The following ZNF541 variants were observed in gnomAD, a reference collection of about 807,000 sequenced individuals.
ZNF541 encodes the protein zinc finger protein 541.
In ZNF541, 23 loss-of-function variants were observed where a neutral mutation model predicts 123.5. The ratio of observed to expected loss-of-function variants is 0.19; its 90% CI spans 0.13 to 0.26. The LOEUF (loss-of-function observed/expected upper bound fraction) is 0.26. Ranked by LOEUF, ZNF541 falls within the 10% of genes least tolerant of loss-of-function variation. The pLI, the probability that ZNF541 is intolerant of heterozygous loss-of-function variation, is 1.00. For missense variants in ZNF541, 1,612 were observed against 1,789.9 expected (o/e 0.90, Z 1.79); for synonymous variants, 751 against 754.5 (o/e 1.00, Z 0.08).
chr19:47,535,869 C>A (rs542713057), intron 9 of ZNF541, among the ~76,000 whole-genome samples: 1 of 152,230 alleles, frequency 6.6e-6, no homozygotes, highest in South Asian at 2.1e-4. Context: ...GAATTAAAGA[C>A]ACACACAGAA....
At chr19:47,568,800 T>C (rs1465974575) in intron 2 of ZNF541, among the ~76,000 whole-genome samples, 2 of 152,044 alleles carry the variant, frequency 1.3e-5, no homozygotes, top group African/African-American at 4.8e-5. Context: ...ACCTTCCGAG[T>C]AGCTGGGACT....
chr19:47,522,710 C>T (rs190854151), intron 14 of ZNF541, among the ~76,000 whole-genome samples: 77 of 149,608 alleles, frequency 5.1e-4, no homozygotes, highest in Middle Eastern at 3.6e-3. Context: ...GCGAGATGAT[C>T]GCTTGAGCCC....
chr19:47,547,476 G>A (rs898819809), intron 4 of ZNF541, among the ~76,000 whole-genome samples: 2 of 152,168 alleles, frequency 1.3e-5, no homozygotes, highest in Non-Finnish European at 2.9e-5. Context: ...CCTAGTCGAT[G>A]TGGACTAAAT....
At chr19:47,569,699 C>T (rs1971404982) in intron 2 of ZNF541, among the ~76,000 whole-genome samples, 1 of 151,744 alleles carries the variant, frequency 6.6e-6, no homozygotes, top group Non-Finnish European at 1.5e-5. Context: ...CCCCGCCGCC[C>T]CCCACCCATC....
At chr19:47,532,384 C>G (rs1969615033) in intron 10 of ZNF541, 114 bp from the exon 11 acceptor site, 1 of 1,240,798 alleles carries the variant, frequency 8.1e-7, no homozygotes, top group African/African-American at 1.5e-5. Flanking sequence ...TCCATGGAAA[C>G]CCTCTGCTGT....
chr19:47,572,893 C>A (rs1274938677), intron 1 of ZNF541, among the ~76,000 whole-genome samples, 190 bp downstream of exon 1: 2 of 151,928 alleles, frequency 1.3e-5, no homozygotes, highest in Non-Finnish European at 2.9e-5. Flanking sequence ...AAGATGCGTG[C>A]GTGACGCAGG....
At chr19:47,524,639 T>C (rs569919304) in intron 14 of ZNF541, among the ~76,000 whole-genome samples, 2 of 142,088 alleles carry the variant, frequency 1.4e-5, no homozygotes, top group East Asian at 4.2e-4. Flanking sequence ...ACCCAGGAGG[T>C]GGAGGTTACA....
rs3826836 is a variant in ZNF541 at position 47,544,564 on chromosome 19, C to T, written c.1965G>A (p.Ala655=). ...RDAKGGLKVA[A]VPTPLAAPSL... ...ACGGTGCTGCAAGGGGCGTTGGAAC[C>T]GCGGCCACTTTCAGTCCCCCCTTTG... The change falls in exon 5 of 17, where the codon GCG becomes GCA. Residue 655 remains alanine (A), a synonymous_variant. Transcript: ENST00000391901. 0.12 allele frequency: 186,341 copies of T among 1,551,384 alleles called. 12,457 individuals are homozygous for T. Among genetic ancestry groups the T allele is most frequent in the East Asian group, 0.24 (9,882 of 40,856 alleles).
At chr19:47,567,754 C>T (rs1971324244) in intron 2 of ZNF541, among the ~76,000 whole-genome samples, 1 of 152,228 alleles carries the variant, frequency 6.6e-6, no homozygotes, top group Admixed American at 6.5e-5. Context: ...CCACCACTCC[C>T]TATTCTCTCA....
chr19:47,565,845 T>G (rs1193928336), intron 2 of ZNF541, among the ~76,000 whole-genome samples: 1 of 152,114 alleles, frequency 6.6e-6, no homozygotes, highest in African/African-American at 2.4e-5. Context: ...TAAGTCAACA[T>G]TGGGGATCCG....
In ZNF541 at chr19:47,544,915, G is replaced by C; in HGVS notation, c.1614C>G (p.Phe538Leu). 1.3e-6 allele frequency: 2 copies of C among 1,535,972 alleles called. No individual in the cohort carries two copies. The highest frequency in any genetic ancestry group is 8.7e-7 in the Non-Finnish European group (1 of 1,146,796). ...GGLPADASPLFRQLFLKSQEP... is the reference protein window; with the variant it reads ...GGLPADASPLLRQLFLKSQEP... ...CCTGCGACTTGAGGAAGAGCTGGCG[G>C]AAGAGCGGCGAGGCATCCGCAGGGA... The change falls in exon 5 of 17, where the codon TTC becomes TTG. Residue 538 changes from phenylalanine to leucine, a missense_variant. Phe to Leu is a conservative substitution (Grantham distance 22). This residue lies in a region of ZNF541 where 1,080 missense variants were observed against 1,013.8 expected (regional missense o/e 1.07). Coordinates refer to ENST00000391901, the MANE Select transcript of ZNF541 (RefSeq NM_001277075.3).
At chr19:47,569,885 G>GA (rs1599750836) in intron 2 of ZNF541, among the ~76,000 whole-genome samples, 1 of 150,562 alleles carries the variant, frequency 6.6e-6, no homozygotes, top group East Asian at 2.0e-4. Flanking sequence ...CTCAAGAAAA[G>GA]AAAGGAGAAA....
chr19:47,554,808 T>C (rs975562874), intron 3 of ZNF541, among the ~76,000 whole-genome samples: 10 of 152,092 alleles, frequency 6.6e-5, no homozygotes, highest in Admixed American at 3.9e-4. Context: ...TACTAAGAAT[T>C]GGGGGCCGAG....
At chr19:47,541,427 A>T (rs1032733770) in intron 5 of ZNF541, among the ~76,000 whole-genome samples, 12 of 152,204 alleles carry the variant, frequency 7.9e-5, no homozygotes, top group African/African-American at 2.9e-4. Context: ...AAAAAAATAA[A>T]AAATAAAAAA....
chr19:47,558,372 T>C (rs966299418), intron 2 of ZNF541, among the ~76,000 whole-genome samples: 13 of 151,600 alleles, frequency 8.6e-5, no homozygotes, highest in Admixed American at 2.0e-4. Context: ...GCCGAGATCG[T>C]GCCACTGCAC....
Position 47,521,798 on chromosome 19 carries a change from G to C in ZNF541, c.3711+56C>G. 1 of 1,537,880 alleles carries C rather than the reference G, an allele frequency of 6.5e-7. No individual in the cohort carries two copies. The highest frequency in any genetic ancestry group is 8.8e-7 in the Non-Finnish European group (1 of 1,138,726). Reference sequence around the variant, plus strand: ...CTCTGACCCCACCGTCCAACTCAACGGGTAGCAGGCACTGGGAGGAGAGAA... The same window carrying C: ...CTCTGACCCCACCGTCCAACTCAACCGGTAGCAGGCACTGGGAGGAGAGAA... On this transcript the variant is annotated intron_variant, in intron 15 of 16. Coordinates refer to ENST00000391901, the MANE Select transcript of ZNF541 (RefSeq NM_001277075.3). This position sits in a 1 kb window ranked among gnomAD's most constrained non-coding sequence, Gnocchi z 4.2.
At chr19:47,546,564 C>T (rs1970368625) in intron 4 of ZNF541, among the ~76,000 whole-genome samples, 1 of 151,734 alleles carries the variant, frequency 6.6e-6, no homozygotes, top group South Asian at 2.1e-4. Flanking sequence ...AAAAAAAAAT[C>T]CACTGAGGCC....
intron 14 of ZNF541, among the ~76,000 whole-genome samples, chr19:47,526,392 G>A (rs1030755753): frequency 1.3e-5 from 2 of 151,234 alleles, no homozygotes; most frequent in African/African-American, 4.9e-5. Context: ...TAAGGCAGGA[G>A]CATCGCTTGA....
At chr19:47,553,760 G>A (rs1970704660) in intron 3 of ZNF541, among the ~76,000 whole-genome samples, 1 of 151,892 alleles carries the variant, frequency 6.6e-6, no homozygotes, top group Non-Finnish European at 1.5e-5. Flanking sequence ...GGCTGGAGTG[G>A]AACTCCTTAT....
Sources: allele counts gnomAD v4.1 joint callset (sites outside exome capture counted in the v4.1 genomes callset), GRCh38; gene constraint gnomAD v4.1.1; regional missense constraint gnomAD v4.1.1; non-coding constraint Gnocchi (gnomAD v3.1); transcripts MANE v1.5; gene names NCBI Gene and HGNC (gene_info 2026-07-23, HGNC 2026-07-21).